AMPD3: variants seen among roughly 807,000 people sequenced by gnomAD.
AMPD3 encodes adenosine monophosphate deaminase 3, also known as AMP deaminase 3.
A neutral mutation model predicts 82.3 loss-of-function variants in AMPD3; 57 were observed. The observed-to-expected ratio is 0.69, with a 90% CI of 0.56 to 0.86. The LOEUF (loss-of-function observed/expected upper bound fraction) is 0.86, where lower values mean the gene tolerates loss of function less well. AMPD3 is among the 40% of genes least tolerant of loss of function. The pLI, the probability that AMPD3 is intolerant of heterozygous loss-of-function variation, is 0.00. For missense variants in AMPD3, 870 were observed against 1,003.8 expected, an observed-to-expected ratio of 0.87 and a Z score of 1.80; for synonymous variants, 381 against 394.7, an observed-to-expected ratio of 0.97 and a Z score of 0.41.
chr11:10,493,686 G>A, intron 7 of AMPD3, 143 bp downstream of exon 7: 2 of 955,506 alleles, frequency 2.1e-6, no homozygotes, highest in Non-Finnish European at 3.2e-6. Flanking sequence ...AGGTCATGCG[G>A]CCTCAGAGAA....
chr11:10,456,382 C>A lies in AMPD3; in HGVS notation c.-6+934C>A. ...ATCACTTGAGTGGCATCTTCAGGAC[C>A]AGTCATGGAGCCAGGCTCAGGTCTG... is the stretch of plus-strand genomic sequence containing the variant. On this transcript the variant is annotated intron_variant, in intron 1 of 14. Transcript: ENST00000396553. The surrounding 1 kb of genome is among the most constrained non-coding windows in gnomAD (Gnocchi z 4.3). 6.2e-7 allele frequency: 1 copy of A among 1,613,770 alleles called. No individual in the cohort carries two copies. The highest frequency in any genetic ancestry group is 8.5e-7 in the Non-Finnish European group (1 of 1,179,704).
At position 10,505,719 on chromosome 11, in the gene AMPD3, G is replaced by C; in HGVS notation, c.2139G>C (p.Lys713Asn). ...CTCTTGGTCCACAGGAAAAGCAAAA[G>C]TTTCTGGGACAAAATTATTATAAAG... Reference protein sequence around the residue: ...QSGLSHQEKQKFLGQNYYKEG... With the variant: ...QSGLSHQEKQNFLGQNYYKEG... Residue 713 changes from lysine (K) to asparagine (N), a missense_variant, in exon 15 of 15, where the codon AAG (lysine) becomes AAC (asparagine). By Grantham distance (94) the Lys-to-Asn change is moderately conservative. Transcript: ENST00000396553. 1 of 1,613,830 alleles carries C rather than the reference G, an allele frequency of 6.2e-7. No individual in the cohort carries two copies. Among genetic ancestry groups the C allele is most frequent in the Non-Finnish European group, 8.5e-7 (1 of 1,180,022 alleles).
In AMPD3 at chr11:10,461,545, A is replaced by T; in HGVS notation, c.26A>T (p.Asn9Ile). ...ATGCCGCGGCAGTTTCCCAAGCTGA[A>T]CATCTCTGAAGTGGATGAGCAAGTC... is the stretch of plus-strand genomic sequence containing the variant. The part of the protein sequence containing the change: MPRQFPKL[N>I]ISEVDEQVRL... Residue 9 changes from asparagine (N) to isoleucine (I), a missense_variant, in exon 2 of 15, where the codon AAC becomes ATC. Physicochemically the swap from Asn to Ile is moderately radical, Grantham distance 149 (BLOSUM62 -3). Coordinates refer to ENST00000396553, the MANE Select transcript of AMPD3 (RefSeq NM_001025389.2). 1 of 1,614,164 alleles carries T rather than the reference A, an allele frequency of 6.2e-7. No homozygotes were observed.
At chr11:10,462,624 G>C (rs1262619494) in intron 2 of AMPD3, among the ~76,000 whole-genome samples, 5 of 152,158 alleles carry the variant, frequency 3.3e-5, no homozygotes, top group African/African-American at 7.2e-5. Flanking sequence ...GGCACACTTG[G>C]GAAACACAGG....
intron 1 of AMPD3, among the ~76,000 whole-genome samples, chr11:10,458,283 CA>C (rs1169431333): frequency 5.1e-5 from 2 of 39,160 alleles, no homozygotes; most frequent in African/African-American, 2.1e-4. Flanking sequence ...AAAAATTAGC[CA>C]GGTATGGTGA....
upstream of AMPD3, chr11:10,450,719 C>A: frequency 2.7e-6 from 3 of 1,105,460 alleles, no homozygotes; most frequent in Non-Finnish European, 2.2e-6. Flanking sequence ...GCGGCCCGGG[C>A]GCTTCAGGTA....
chr11:10,488,681 T>TG (rs1849153100), intron 6 of AMPD3, among the ~76,000 whole-genome samples: 1 of 152,002 alleles, frequency 6.6e-6, no homozygotes, highest in Admixed American at 6.6e-5. Context: ...GAGAAGCTCC[T>TG]GGGGGAAGAG....
intron 2 of AMPD3, among the ~76,000 whole-genome samples, chr11:10,469,546 C>A (rs1195207296): frequency 1.3e-5 from 2 of 152,186 alleles, no homozygotes; most frequent in South Asian, 4.1e-4. Flanking sequence ...GACAGATTCA[C>A]AGCCAAATTC....
chr11:10,503,885 C>G, intron 13 of AMPD3: 3 of 855,436 alleles, frequency 3.5e-6, no homozygotes, highest in Non-Finnish European at 4.2e-6. Flanking sequence ...TTAGGACCCT[C>G]AGGGGTCCTT....
At chr11:10,457,389 C>T (rs1425873939) in intron 1 of AMPD3, among the ~76,000 whole-genome samples, 1 of 152,018 alleles carries the variant, frequency 6.6e-6, no homozygotes, top group Non-Finnish European at 1.5e-5. Flanking sequence ...ACTCTATGAT[C>T]CTTGATTTTA....
In AMPD3 at chr11:10,506,965, T is replaced by A. The variant is rs1290220531; in HGVS notation, c.*1081T>A. The A allele has an allele frequency of 3.9e-5, 6 of 152,478 alleles. No homozygotes were observed. The highest frequency in any genetic ancestry group is 1.4e-4 in the African/African-American group (6 of 41,422). The allele number at this position is 152,478 out of a possible 1,614,324, so 9.4% of individuals were successfully genotyped here. A position where few individuals can be genotyped will look rare whatever the true frequency, so the allele number is the denominator to read the frequency against. ...ATTTTTTTAAGGCAAAATTTCTCCC[T>A]TATCTACTATGATGACTTCAGAAGA... On this transcript the variant is annotated 3_prime_UTR_variant, in exon 15 of 15. Transcript: ENST00000396553. The surrounding 1 kb of genome is among the most constrained non-coding windows in gnomAD (Gnocchi z 4.1).
intron 1 of AMPD3, 42 bp from the exon 2 acceptor site, chr11:10,461,473 C>T: frequency 6.2e-7 from 1 of 1,613,644 alleles, no homozygotes. Flanking sequence ...GTGCTGGTGA[C>T]TCAGGGCATC....
intron 2 of AMPD3, chr11:10,478,133 C>A: frequency 1.0e-6 from 1 of 985,436 alleles, no homozygotes; most frequent in Non-Finnish European, 1.2e-6. Context: ...TTATCTGAAG[C>A]CAGCATGCTG....
At chr11:10,459,834 C>T (rs1381249967) in intron 1 of AMPD3, among the ~76,000 whole-genome samples, 1 of 151,770 alleles carries the variant, frequency 6.6e-6, no homozygotes, top group Non-Finnish European at 1.5e-5. Flanking sequence ...GTTCAGATCC[C>T]TGAGCTGAGG....
intron 14 of AMPD3, chr11:10,505,327 TG>T (rs1849687710): frequency 1.0e-6 from 1 of 985,302 alleles, no homozygotes; most frequent in Non-Finnish European, 1.2e-6. Flanking sequence ...ATGCGCAGTG[TG>T]GTGCCTTGGA....
chr11:10,463,198 T>C (rs182865860), intron 2 of AMPD3, among the ~76,000 whole-genome samples: 1 of 152,314 alleles, frequency 6.6e-6, no homozygotes, highest in Admixed American at 6.5e-5. Flanking sequence ...GTCTTTTCCT[T>C]TCTTGGTTGT....
At chr11:10,476,822 C>A in intron 2 of AMPD3, 1 of 744,316 alleles carries the variant, frequency 1.3e-6, no homozygotes, top group Non-Finnish European at 1.6e-6. Context: ...GGGCAGGATG[C>A]TTGGCTGAGC....
intron 5 of AMPD3, among the ~76,000 whole-genome samples, chr11:10,485,516 A>G (rs1273502588): frequency 6.6e-6 from 1 of 152,110 alleles, no homozygotes; most frequent in African/African-American, 2.4e-5. Flanking sequence ...AAGTGCTGAG[A>G]TTACAAGTGT....
chr11:10,471,657 A>G (rs905114131), intron 2 of AMPD3, among the ~76,000 whole-genome samples: 1 of 152,272 alleles, frequency 6.6e-6, no homozygotes, highest in Non-Finnish European at 1.5e-5. Flanking sequence ...GACACTTCTC[A>G]AAAGAAGACA....
Sources: gnomAD v4.1 joint callset for allele counts (sites outside exome capture counted in the v4.1 genomes callset) on GRCh38, gnomAD v4.1.1 for gene constraint, Gnocchi (gnomAD v3.1) non-coding constraint, MANE v1.5 for transcripts, NCBI Gene and HGNC (gene_info 2026-07-23, HGNC 2026-07-21) for gene names.